CTNND2: variants seen among roughly 807,000 people sequenced by gnomAD.
CTNND2 encodes the protein catenin delta 2.
A neutral mutation model predicts 144.4 loss-of-function variants in CTNND2; 22 were observed. The ratio of observed to expected loss-of-function variants is 0.15; its 90% CI spans 0.11 to 0.22. The LOEUF (loss-of-function observed/expected upper bound fraction) is 0.22. Among genes scored for constraint, CTNND2 ranks in the 10% least tolerant of loss-of-function variants. CTNND2 has a pLI of 1.00. For missense variants in CTNND2, 1,353 were observed against 1,618.8 expected (o/e 0.84, Z 2.82); for synonymous variants, 751 against 695.6 (o/e 1.08, Z -1.25).
intron 2 of CTNND2, among the ~76,000 whole-genome samples, chr5:11,610,721 G>A (rs1473928929): frequency 6.6e-6 from 1 of 152,194 alleles, no homozygotes; most frequent in Non-Finnish European, 1.5e-5. Flanking sequence ...TTATCTCTAA[G>A]CAGTGTGATC....
intron 1 of CTNND2, among the ~76,000 whole-genome samples, chr5:11,765,844 T>A (rs1178120740): frequency 2.6e-5 from 4 of 152,240 alleles, no homozygotes; most frequent in Non-Finnish European, 5.9e-5. Context: ...TATTAAAATT[T>A]CAATTAAAAT....
intron 10 of CTNND2, among the ~76,000 whole-genome samples, chr5:11,214,913 C>G (rs1739011519): frequency 1.3e-5 from 2 of 152,172 alleles, no homozygotes; most frequent in Non-Finnish European, 2.9e-5. Context: ...TAGGTTCCAT[C>G]TTAGCTCCAT....
At chr5:11,548,877 G>A (rs1041045186) in intron 3 of CTNND2, among the ~76,000 whole-genome samples, 4 of 151,802 alleles carry the variant, frequency 2.6e-5, no homozygotes, top group Non-Finnish European at 5.9e-5. Context: ...TCCAAGATCT[G>A]CACATAAAAC....
At chr5:11,002,105 A>G (rs377706193) in intron 18 of CTNND2, among the ~76,000 whole-genome samples, 1 of 152,206 alleles carries the variant, frequency 6.6e-6, no homozygotes, top group African/African-American at 2.4e-5. Context: ...AGAGTATATT[A>G]CCTTTCTCAT....
chr5:11,588,209 T>C (rs1177125766), intron 2 of CTNND2, among the ~76,000 whole-genome samples: 2 of 152,104 alleles, frequency 1.3e-5, no homozygotes. Context: ...GTATATTAAA[T>C]TTTTGGCTAC....
intron 3 of CTNND2, among the ~76,000 whole-genome samples, chr5:11,494,092 T>C (rs1769711675): frequency 6.6e-6 from 1 of 152,182 alleles, no homozygotes; most frequent in Admixed American, 6.5e-5. Context: ...TAATTCAATA[T>C]CTATCCCTCA....
At chr5:11,050,936 A>G (rs1233570159) in intron 16 of CTNND2, among the ~76,000 whole-genome samples, 2 of 152,180 alleles carry the variant, frequency 1.3e-5, no homozygotes, top group Non-Finnish European at 2.9e-5. Context: ...GCACAACTGA[A>G]GCTTCCCTTT....
intron 6 of CTNND2, among the ~76,000 whole-genome samples, chr5:11,393,660 G>T (rs564324466): frequency 2.6e-5 from 4 of 152,228 alleles, no homozygotes; most frequent in Admixed American, 2.6e-4. Context: ...GTCTGGTTTT[G>T]GCAGAACCTG....
At chr5:11,804,361 C>T (rs1791880133) in intron 1 of CTNND2, among the ~76,000 whole-genome samples, 1 of 152,090 alleles carries the variant, frequency 6.6e-6, no homozygotes, top group African/African-American at 2.4e-5. Flanking sequence ...TAGGTATTTA[C>T]CCAACTTATT....
chr5:11,774,045 T>C (rs1790103162), intron 1 of CTNND2, among the ~76,000 whole-genome samples: 1 of 152,144 alleles, frequency 6.6e-6, no homozygotes, highest in African/African-American at 2.4e-5. Flanking sequence ...ATCTGTAGAA[T>C]TGAAACTAGG....
At chr5:11,424,978 C>T (rs139849421) in intron 3 of CTNND2, among the ~76,000 whole-genome samples, 135 of 152,288 alleles carry the variant, frequency 8.9e-4, no homozygotes, top group Non-Finnish European at 1.8e-3. Flanking sequence ...AGAGTTATCC[C>T]TGGAGCATAA....
chr5:11,841,513 G>A (rs1794470667), intron 1 of CTNND2, among the ~76,000 whole-genome samples: 1 of 151,982 alleles, frequency 6.6e-6, no homozygotes. Context: ...ACAAAATTAT[G>A]GAACTTTTAT....
intron 3 of CTNND2, among the ~76,000 whole-genome samples, chr5:11,557,470 C>T (rs1379439227): frequency 6.6e-6 from 1 of 152,164 alleles, no homozygotes; most frequent in Middle Eastern, 3.2e-3. Flanking sequence ...GGATCCTCCT[C>T]AGCATGTAAA....
intron 14 of CTNND2, among the ~76,000 whole-genome samples, chr5:11,107,431 C>T (rs899175352): frequency 6.6e-6 from 1 of 152,062 alleles, no homozygotes; most frequent in Non-Finnish European, 1.5e-5. Flanking sequence ...CAAGAGCATC[C>T]GAATGACATA....
At chr5:11,590,688 C>T (rs1313841069) in intron 2 of CTNND2, among the ~76,000 whole-genome samples, 1 of 152,096 alleles carries the variant, frequency 6.6e-6, no homozygotes, top group East Asian at 1.9e-4. Context: ...TACACCCTCC[C>T]AGCCCTTGTG....
intron 20 of CTNND2, among the ~76,000 whole-genome samples, chr5:10,983,904 T>C (rs1241370802): frequency 1.3e-5 from 2 of 152,204 alleles, no homozygotes; most frequent in Non-Finnish European, 2.9e-5. Context: ...TCTCCTCCTG[T>C]TAAAGGAGTC....
chr5:11,645,112 T>A (rs1296629501), intron 2 of CTNND2, among the ~76,000 whole-genome samples: 1 of 152,112 alleles, frequency 6.6e-6, no homozygotes, highest in African/African-American at 2.4e-5. Context: ...ACTATAAGCG[T>A]GCACCACCAT....
At chr5:11,839,168 AT>A (rs1794328413) in intron 1 of CTNND2, among the ~76,000 whole-genome samples, 1 of 151,996 alleles carries the variant, frequency 6.6e-6, no homozygotes. Flanking sequence ...AGTGGTACAG[AT>A]GGACATTTGA....
Position 11,117,438 on chromosome 5 carries a change from A to G in CTNND2, c.2277+12T>C. The G allele has an allele frequency of 6.2e-7, 1 of 1,605,996 alleles. No individual in the cohort carries two copies. The highest frequency in any genetic ancestry group is 1.1e-5 in the South Asian group (1 of 90,910). On this transcript the variant is annotated intron_variant, in intron 13 of 21. Transcript: ENST00000304623. ...TTCTCAAACATGTTTAATCTATGCC[A>G]GCACAACCAACCTTGCTATCGATCT...
Sources: allele counts gnomAD v4.1 joint callset (sites outside exome capture counted in the v4.1 genomes callset), GRCh38; gene constraint gnomAD v4.1.1; transcripts MANE v1.5; gene names NCBI Gene and HGNC (gene_info 2026-07-23, HGNC 2026-07-21).